Variants in POU6F2 observed in about 807,000 individuals in gnomAD.
POU6F2 encodes POU domain, class 6, transcription factor 2.
In POU6F2, 31 loss-of-function variants were observed where a neutral mutation model predicts 71.3. The observed-to-expected ratio is 0.43, with a 90% CI of 0.33 to 0.59. The LOEUF is 0.59. Among genes scored for constraint, POU6F2 ranks in the 20% least tolerant of loss-of-function variants. The pLI is 0.04. For missense variants in POU6F2, 783 were observed against 856.8 expected (o/e 0.91, Z 1.07); for synonymous variants, 347 against 355.7 (o/e 0.98, Z 0.27).
chr7:39,025,381 G>C (rs190993712), intron 1 of POU6F2, among the ~76,000 whole-genome samples: 40 of 152,230 alleles, frequency 2.6e-4, no homozygotes, highest in Admixed American at 1.3e-3. Context: ...AAACAGCATG[G>C]TACTGGTACC....
At chr7:39,415,333 A>G (rs1175727583) in intron 6 of POU6F2, among the ~76,000 whole-genome samples, 2 of 152,114 alleles carry the variant, frequency 1.3e-5, no homozygotes, top group Non-Finnish European at 2.9e-5. Context: ...CATCTTTTTA[A>G]TTTTTATCCA....
chr7:39,076,552 T>A (rs1327644523), intron 1 of POU6F2, among the ~76,000 whole-genome samples: 1 of 143,164 alleles, frequency 7.0e-6, no homozygotes, highest in Non-Finnish European at 1.6e-5. Flanking sequence ...AAAAAGAAAA[T>A]GGTTAGCTAA....
At chr7:39,179,528 T>TGCGC (rs546289645) in intron 2 of POU6F2, among the ~76,000 whole-genome samples, 2 of 151,784 alleles carry the variant, frequency 1.3e-5, no homozygotes, top group African/African-American at 4.9e-5. Context: ...CGCGCGCACA[T>TGCGC]GCGCGCACAC....
chr7:39,174,917 G>A (rs1158828403), intron 2 of POU6F2, among the ~76,000 whole-genome samples: 2 of 152,022 alleles, frequency 1.3e-5, no homozygotes, highest in African/African-American at 2.4e-5. Context: ...CATCACAATG[G>A]CACTGTTCTC....
intron 4 of POU6F2, among the ~76,000 whole-genome samples, chr7:39,252,399 G>GACACACAC (rs55738894): frequency 1.2e-4 from 18 of 144,268 alleles, no homozygotes; most frequent in Non-Finnish European, 2.1e-4. Flanking sequence ...CAGACAGACA[G>GACACACAC]ACACACACAC....
rs561555901 is a variant in POU6F2 at position 39,327,270 on chromosome 7, C to A, written c.599-12372C>A. On this transcript the variant is annotated intron_variant, in intron 4 of 9. Transcript: ENST00000518318. The stretch of plus-strand genomic sequence containing the variant: ...CTCCAGCCTGGGTGACAGAGGGAGA[C>A]TCTGTCTCAAAAAAAAAAAAAACAG... Among the ~76,000 whole-genome samples the A allele has an allele frequency of 9.2e-3, 1,286 of 140,222 alleles. 23 individuals carry two copies. The highest frequency in any genetic ancestry group is 0.033 in the African/African-American group (1,215 of 37,176). The allele number at this position is 140,222 out of a possible 152,430, so 92.0% of individuals were successfully genotyped here. A position where few individuals can be genotyped will look rare whatever the true frequency, so the allele number is the denominator to read the frequency against.
intron 2 of POU6F2, among the ~76,000 whole-genome samples, chr7:39,150,295 G>A (rs1488702288): frequency 6.7e-6 from 1 of 149,836 alleles, no homozygotes; most frequent in Non-Finnish European, 1.5e-5. Context: ...TGGCTATTGT[G>A]ACTAATGCTG....
At chr7:39,008,280 A>G (rs1313479523) in intron 1 of POU6F2, among the ~76,000 whole-genome samples, 4 of 151,248 alleles carry the variant, frequency 2.6e-5, no homozygotes. Context: ...ATGGCCAGTG[A>G]TGATGAGCAT....
chr7:38,979,437 C>T (rs1788260151), intron 1 of POU6F2, among the ~76,000 whole-genome samples: 3 of 152,216 alleles, frequency 2.0e-5, no homozygotes, highest in East Asian at 1.9e-4. Flanking sequence ...CATGTTTTCA[C>T]AGGCTCACAC....
chr7:39,087,261 G>A (rs1791273711), intron 2 of POU6F2, among the ~76,000 whole-genome samples: 1 of 151,284 alleles, frequency 6.6e-6, no homozygotes, highest in African/African-American at 2.4e-5. Context: ...TGCTTCAACC[G>A]ACAATCTTTT....
intron 2 of POU6F2, among the ~76,000 whole-genome samples, chr7:39,102,458 A>G (rs1313496162): frequency 1.3e-5 from 2 of 152,164 alleles, no homozygotes; most frequent in Non-Finnish European, 2.9e-5. Context: ...AGGACAGACA[A>G]TAGATCTTGC....
intron 4 of POU6F2, among the ~76,000 whole-genome samples, chr7:39,248,721 C>G (rs900277766): frequency 1.2e-4 from 19 of 152,262 alleles, no homozygotes; most frequent in African/African-American, 4.6e-4. Context: ...TGTTGGAGTG[C>G]AAACACAAAG....
chr7:39,354,774 C>T (rs998005360), intron 5 of POU6F2, among the ~76,000 whole-genome samples: 4 of 152,168 alleles, frequency 2.6e-5, no homozygotes, highest in African/African-American at 9.7e-5. Flanking sequence ...GAATGTAAGA[C>T]TTCTTGCTAA....
intron 4 of POU6F2, among the ~76,000 whole-genome samples, chr7:39,262,976 T>C (rs1784168251): frequency 6.6e-6 from 1 of 152,200 alleles, no homozygotes; most frequent in Non-Finnish European, 1.5e-5. Context: ...TAAGGTACCA[T>C]GTTCTGCTCA....
chr7:39,259,638 C>G (rs1438300838), intron 4 of POU6F2, among the ~76,000 whole-genome samples: 1 of 152,132 alleles, frequency 6.6e-6, no homozygotes, highest in Non-Finnish European at 1.5e-5. Flanking sequence ...TGGGCCTGTG[C>G]ATTCCTAACT....
At chr7:38,994,028 G>C (rs1788675107) in intron 1 of POU6F2, among the ~76,000 whole-genome samples, 1 of 152,086 alleles carries the variant, frequency 6.6e-6, no homozygotes, top group African/African-American at 2.4e-5. Flanking sequence ...TAATAAAAAG[G>C]CGAACCCGTC....
At chr7:39,139,289 G>A (rs766703372) in intron 2 of POU6F2, among the ~76,000 whole-genome samples, 28 of 152,092 alleles carry the variant, frequency 1.8e-4, no homozygotes, top group Non-Finnish European at 3.5e-4. Flanking sequence ...TGAGAAAACC[G>A]CCTTTGCCCC....
At chr7:39,251,347 T>C (rs1199764907) in intron 4 of POU6F2, among the ~76,000 whole-genome samples, 1 of 152,158 alleles carries the variant, frequency 6.6e-6, no homozygotes, top group Admixed American at 6.5e-5. Flanking sequence ...AAACCCAAGT[T>C]ATTATAGTGA....
intron 5 of POU6F2, among the ~76,000 whole-genome samples, chr7:39,342,238 C>T (rs924449492): frequency 6.6e-6 from 1 of 151,752 alleles, no homozygotes; most frequent in Non-Finnish European, 1.5e-5. Context: ...TCCTTTACTA[C>T]AGGCATGTAT....
Sources: allele counts gnomAD v4.1 joint callset (sites outside exome capture counted in the v4.1 genomes callset), GRCh38; gene constraint gnomAD v4.1.1; transcripts MANE v1.5; gene names NCBI Gene and HGNC (gene_info 2026-07-23, HGNC 2026-07-21).